UBE2E2: variants seen among roughly 807,000 people sequenced by gnomAD.
UBE2E2 encodes ubiquitin conjugating enzyme E2 E2.
Under a neutral mutation model 24.7 loss-of-function variants are expected in UBE2E2, and 6 were observed. The ratio of observed to expected loss-of-function variants is 0.24; its 90% CI spans 0.13 to 0.48. UBE2E2 has a LOEUF of 0.48. Ranked by LOEUF, UBE2E2 falls within the 20% of genes least tolerant of loss-of-function variation. UBE2E2 has a pLI of 0.99. For synonymous variants in UBE2E2, 104 were observed against 83.6 expected (o/e 1.24, Z -1.33); for missense variants, 169 against 245.0 (o/e 0.69, Z 2.07).
chr3:23,518,872 G>A (rs1297894055), intron 4 of UBE2E2, among the ~76,000 whole-genome samples: 1 of 152,074 alleles, frequency 6.6e-6, no homozygotes, highest in East Asian at 1.9e-4. Context: ...CAAAGAAAAT[G>A]GTATTAATCA....
intron 3 of UBE2E2, among the ~76,000 whole-genome samples, chr3:23,425,518 GTTC>G (rs1697905165): frequency 6.6e-6 from 1 of 152,144 alleles, no homozygotes; most frequent in South Asian, 2.1e-4. Flanking sequence ...AAAATTAACA[GTTC>G]TTCTTAGATC....
chr3:23,223,799 C>T (rs182845760), intron 3 of UBE2E2, among the ~76,000 whole-genome samples: 3 of 152,150 alleles, frequency 2.0e-5, no homozygotes, highest in Admixed American at 6.6e-5. Flanking sequence ...AGTCTTTAAT[C>T]CATTTTGGTT....
intron 1 of UBE2E2, among the ~76,000 whole-genome samples, chr3:23,206,155 G>C (rs1296964522): frequency 1.3e-5 from 2 of 152,122 alleles, no homozygotes; most frequent in Non-Finnish European, 2.9e-5. Flanking sequence ...TTAAGGTATT[G>C]CTGGCAGCAT....
intron 3 of UBE2E2, among the ~76,000 whole-genome samples, chr3:23,446,006 C>A (rs1026677537): frequency 2.0e-5 from 3 of 152,072 alleles, no homozygotes; most frequent in Admixed American, 1.3e-4. Flanking sequence ...CAGAGAGAGA[C>A]CCCATTTCTT....
chr3:23,302,673 A>G (rs1012469842), intron 3 of UBE2E2, among the ~76,000 whole-genome samples: 17 of 152,246 alleles, frequency 1.1e-4, no homozygotes, highest in African/African-American at 3.6e-4. Flanking sequence ...GCCCTTGATC[A>G]TATTATTTAA....
chr3:23,220,048 T>G (rs1696583484), intron 3 of UBE2E2, among the ~76,000 whole-genome samples: 1 of 152,180 alleles, frequency 6.6e-6, no homozygotes, highest in Non-Finnish European at 1.5e-5. Flanking sequence ...ACTGTATGTG[T>G]TTAAGCGTTG....
intron 5 of UBE2E2, 134 bp downstream of exon 5, chr3:23,532,835 AT>A: frequency 1.2e-6 from 1 of 854,622 alleles, no homozygotes; most frequent in Non-Finnish European, 1.6e-6. Flanking sequence ...TTTTCATAGT[AT>A]GTAACTATTT....
intron 3 of UBE2E2, among the ~76,000 whole-genome samples, chr3:23,337,121 CA>C (rs1695231501): frequency 7.2e-6 from 1 of 139,794 alleles, no homozygotes; most frequent in Non-Finnish European, 1.5e-5. Context: ...GCCTGGGCAA[CA>C]GAGTGAGAGC....
chr3:23,482,738 G>A (rs1699284338), intron 3 of UBE2E2, among the ~76,000 whole-genome samples: 1 of 152,238 alleles, frequency 6.6e-6, no homozygotes, highest in East Asian at 1.9e-4. Context: ...AGGTTTATGA[G>A]ATTAAATAGG....
chr3:23,242,186 C>T (rs1239569842), intron 3 of UBE2E2, among the ~76,000 whole-genome samples: 2 of 152,088 alleles, frequency 1.3e-5, no homozygotes, highest in South Asian at 2.1e-4. Flanking sequence ...CCTGCTTTGA[C>T]CTCCCAAAGC....
chr3:23,230,048 T>C (rs1696932300), intron 3 of UBE2E2, among the ~76,000 whole-genome samples: 1 of 152,224 alleles, frequency 6.6e-6, no homozygotes, highest in South Asian at 2.1e-4. Flanking sequence ...TATACATAAC[T>C]ACATACTACG....
intron 3 of UBE2E2, among the ~76,000 whole-genome samples, chr3:23,461,108 T>G (rs1403304123): frequency 6.6e-6 from 1 of 152,104 alleles, no homozygotes; most frequent in African/African-American, 2.4e-5. Flanking sequence ...AGACTTTAAG[T>G]AGAAATAATT....
chr3:23,493,020 A>C (rs961529677), intron 3 of UBE2E2, among the ~76,000 whole-genome samples: 1 of 152,154 alleles, frequency 6.6e-6, no homozygotes, highest in Non-Finnish European at 1.5e-5. Context: ...TTGAGGTACT[A>C]TTATCTCATT....
In UBE2E2 at chr3:23,289,858, C is replaced by A. The variant is rs149827973; in HGVS notation, c.227+72546C>A. Reference sequence around the variant, plus strand: ...AAGTTGTTTTATTTTAAATTTCTACCGTAGGAACAGAATGGTTCTGTAAAA... The same window carrying A: ...AAGTTGTTTTATTTTAAATTTCTACAGTAGGAACAGAATGGTTCTGTAAAA... On this transcript the variant is annotated intron_variant, in intron 3 of 5. Coordinates refer to ENST00000396703, the MANE Select transcript of UBE2E2 (RefSeq NM_152653.4). Among the ~76,000 whole-genome samples, 7 of 152,128 alleles carry A rather than the reference C, an allele frequency of 4.6e-5. No homozygotes were observed. In the East Asian group the frequency reaches 1.3e-3, roughly 29 times the overall value.
chr3:23,225,125 T>C (rs1473499919), intron 3 of UBE2E2, among the ~76,000 whole-genome samples: 1 of 152,136 alleles, frequency 6.6e-6, no homozygotes, highest in African/African-American at 2.4e-5. Flanking sequence ...TCCTGCTCCA[T>C]TTTTTAATGA....
intron 4 of UBE2E2, among the ~76,000 whole-genome samples, chr3:23,509,097 A>G (rs1027060736): frequency 8.5e-5 from 13 of 152,372 alleles, no homozygotes; most frequent in African/African-American, 3.1e-4. Flanking sequence ...CACTGGTCCC[A>G]TAAAACAGTG....
intron 3 of UBE2E2, among the ~76,000 whole-genome samples, chr3:23,223,192 G>T (rs1696709553): frequency 1.4e-5 from 2 of 139,510 alleles, no homozygotes; most frequent in Admixed American, 7.3e-5. Flanking sequence ...GCTGATTTTT[G>T]TATTTTTTTT....
At chr3:23,496,967 A>G (rs1699614670) in intron 3 of UBE2E2, among the ~76,000 whole-genome samples, 1 of 152,218 alleles carries the variant, frequency 6.6e-6, no homozygotes, top group Admixed American at 6.5e-5. Context: ...TTCAATTAAT[A>G]CATATTTTGC....
At chr3:23,350,812 A>G (rs1695724056) in intron 3 of UBE2E2, among the ~76,000 whole-genome samples, 2 of 152,016 alleles carry the variant, frequency 1.3e-5, no homozygotes, top group African/African-American at 2.4e-5. Flanking sequence ...AAAACACTCT[A>G]CAGGATATTG....
Sources: allele counts gnomAD v4.1 joint callset (sites outside exome capture counted in the v4.1 genomes callset), GRCh38; gene constraint gnomAD v4.1.1; transcripts MANE v1.5; gene names NCBI Gene and HGNC (gene_info 2026-07-23, HGNC 2026-07-21).